The following SFXN1 variants were observed in gnomAD, a reference collection of about 807,000 sequenced individuals.
SFXN1 encodes the protein sideroflexin 1.
SFXN1 carries 32 observed loss-of-function variants against 39.5 expected under a neutral mutation model. The observed-to-expected ratio is 0.81, with a 90% CI of 0.61 to 1.09. SFXN1 has a LOEUF of 1.09. SFXN1 is among the 50% of genes least tolerant of loss of function. The pLI, the probability that SFXN1 is intolerant of heterozygous loss-of-function variation, is 0.00. For synonymous variants in SFXN1, 136 were observed against 146.5 expected, an observed-to-expected ratio of 0.93 and a Z score of 0.52; for missense variants, 402 against 407.1, an observed-to-expected ratio of 0.99 and a Z score of 0.11.
chr5:175,509,048 C>A lies in SFXN1; in HGVS notation c.181C>A (p.Pro61Thr). 1 of 1,608,652 alleles carries A rather than the reference C, an allele frequency of 6.2e-7. No individual in the cohort carries two copies. The highest frequency in any genetic ancestry group is 1.7e-4 in the Middle Eastern group (1 of 6,030). ...VHDYRQGIVP[P>T]GLTENELWRA... ...TTTTCTTAGGCAAGGAATTGTTCCT[C>A]CTGGTCTTACAGAAAATGAATTGTG... The change falls in exon 3 of 11, where the codon CCT (proline) becomes ACT (threonine). Residue 61 changes from proline (P) to threonine (T), a missense_variant. Transcript: ENST00000321442.
intron 2 of SFXN1, among the ~76,000 whole-genome samples, chr5:175,497,923 T>G (rs1581279765): frequency 8.4e-6 from 1 of 119,596 alleles, no homozygotes; most frequent in Non-Finnish European, 1.7e-5. Flanking sequence ...AGAGCAAAAC[T>G]CCGTCTCAAA....
intron 4 of SFXN1, among the ~76,000 whole-genome samples, chr5:175,511,167 GTC>G (rs1288259570): frequency 1.3e-5 from 2 of 152,126 alleles, no homozygotes; most frequent in Non-Finnish European, 2.9e-5. Context: ...CGAATACAAA[GTC>G]TGTATGTTTA....
chr5:175,482,256 CTT>C (rs1302778344), intron 1 of SFXN1, among the ~76,000 whole-genome samples: 1 of 152,194 alleles, frequency 6.6e-6, no homozygotes, highest in East Asian at 1.9e-4. Context: ...TTTCATAACT[CTT>C]TCAAAATACG....
At position 175,488,226 on chromosome 5, in the gene SFXN1, C is replaced by G. The variant is rs947029771; in HGVS notation, c.-9-3869C>G. Among the ~76,000 whole-genome samples, 5 of 152,170 alleles carry G rather than the reference C, an allele frequency of 3.3e-5. 1 individual carries two copies. The highest frequency in any genetic ancestry group is 3.3e-4 in the Admixed American group (5 of 15,276). ...CCTGAGCCATTACATCTCTTACCTC[C>G]TCATCTCCCATCTCCCACTTCCTCA... On this transcript the variant is annotated intron_variant, in intron 1 of 10. Coordinates refer to ENST00000321442, the MANE Select transcript of SFXN1 (RefSeq NM_022754.7).
intron 2 of SFXN1, among the ~76,000 whole-genome samples, chr5:175,499,803 A>G (rs1040644165): frequency 6.6e-6 from 1 of 152,240 alleles, no homozygotes. Context: ...CAATAAGAGA[A>G]AATTTAAACT....
chr5:175,500,926 A>C (rs1038934254), intron 2 of SFXN1, among the ~76,000 whole-genome samples: 2 of 152,226 alleles, frequency 1.3e-5, no homozygotes, highest in African/African-American at 4.8e-5. Flanking sequence ...TTGTATAAAA[A>C]ATGGATCTTG....
chr5:175,522,036 A>C, intron 9 of SFXN1, 68 bp downstream of exon 9: 2 of 1,329,336 alleles, frequency 1.5e-6, no homozygotes, highest in Non-Finnish European at 2.1e-6. Context: ...ATGAAAGGTG[A>C]CTGGGTAATA....
At chr5:175,519,616 A>G (rs563080708) in intron 8 of SFXN1, among the ~76,000 whole-genome samples, 2 of 152,354 alleles carry the variant, frequency 1.3e-5, no homozygotes, top group South Asian at 4.1e-4. Flanking sequence ...AGTGACAGAA[A>G]GATGAGAGGT....
chr5:175,497,589 T>A (rs912287247), intron 2 of SFXN1, among the ~76,000 whole-genome samples: 2 of 152,084 alleles, frequency 1.3e-5, no homozygotes, highest in African/African-American at 4.8e-5. Flanking sequence ...TCCATCAAAA[T>A]ATACAAAGAA....
chr5:175,505,827 C>G (rs1453872832), intron 2 of SFXN1, among the ~76,000 whole-genome samples: 2 of 152,154 alleles, frequency 1.3e-5, no homozygotes, highest in East Asian at 3.9e-4. Context: ...ATTTTCTTTT[C>G]TTTTCTTTTG....
chr5:175,516,774 C>T, intron 8 of SFXN1, 111 bp downstream of exon 8: 1 of 1,030,002 alleles, frequency 9.7e-7, no homozygotes, highest in Non-Finnish European at 1.4e-6. Context: ...GGCCAGTTTC[C>T]TGGGCTCTTA....
chr5:175,490,448 A>G (rs1759614489), intron 1 of SFXN1, among the ~76,000 whole-genome samples: 1 of 152,176 alleles, frequency 6.6e-6, no homozygotes, highest in East Asian at 1.9e-4. Flanking sequence ...GTGGTCCATG[A>G]TATGTGTTCA....
chr5:175,486,676 G>A (rs1191674558), intron 1 of SFXN1, among the ~76,000 whole-genome samples: 1 of 152,144 alleles, frequency 6.6e-6, no homozygotes, highest in Non-Finnish European at 1.5e-5. Flanking sequence ...TGCTCGGGAG[G>A]CTGAGGTGGG....
intron 8 of SFXN1, among the ~76,000 whole-genome samples, chr5:175,520,945 C>T (rs157473): frequency 0.21 from 32,583 of 151,934 alleles, 4,026 homozygotes; most frequent in South Asian, 0.42. Context: ...CCTTCCTCTC[C>T]AATCCATCCC....
In SFXN1 at chr5:175,504,743, G is replaced by A. The variant is rs190811633; in HGVS notation, c.165-4289G>A. Among the ~76,000 whole-genome samples the A allele has an allele frequency of 2.5e-3, 382 of 151,854 alleles. 4 individuals are homozygous for A. The highest frequency in any genetic ancestry group is 2.6e-3 in the Non-Finnish European group (177 of 67,918). Reference sequence around the variant, plus strand: ...CATAAGAACAATTTTTTTTGGGCGGGGAGGGTGCGGAGTCTTGCTCTGTCG... The same window carrying A: ...CATAAGAACAATTTTTTTTGGGCGGAGAGGGTGCGGAGTCTTGCTCTGTCG... On this transcript the variant is annotated intron_variant, in intron 2 of 10. Transcript: ENST00000321442.
At chr5:175,518,789 A>G (rs1414787321) in intron 8 of SFXN1, among the ~76,000 whole-genome samples, 5 of 152,250 alleles carry the variant, frequency 3.3e-5, no homozygotes, top group African/African-American at 1.2e-4. Flanking sequence ...GTAAAAGTCT[A>G]CAACTGTAAA....
chr5:175,495,728 C>CAA (rs70988287), intron 2 of SFXN1, among the ~76,000 whole-genome samples: 65 of 139,556 alleles, frequency 4.7e-4, no homozygotes, highest in South Asian at 1.2e-3. Flanking sequence ...GACTTCGTCT[C>CAA]AAAAAAAAAA....
intron 10 of SFXN1, among the ~76,000 whole-genome samples, chr5:175,525,526 A>T: frequency 6.6e-6 from 1 of 152,270 alleles, no homozygotes; most frequent in East Asian, 1.9e-4. Flanking sequence ...AATTTTTAAA[A>T]TTTGTTTTGC....
chr5:175,516,677 C>G lies in SFXN1; in HGVS notation c.774+14C>G. The G allele has an allele frequency of 6.2e-7, 1 of 1,610,376 alleles. No individual in the cohort carries two copies. The highest frequency in any genetic ancestry group is 1.1e-5 in the South Asian group (1 of 90,502). On this transcript the variant is annotated intron_variant, in intron 8 of 10. Transcript: ENST00000321442. ...GCCTTTTTGAAGGTAAGCTGTGGTTCTTTTGTCATTTTCTCAACCCTTTTT... is the reference window on the plus strand; with the variant it reads ...GCCTTTTTGAAGGTAAGCTGTGGTTGTTTTGTCATTTTCTCAACCCTTTTT...
Sources: gnomAD v4.1 joint callset for allele counts (sites outside exome capture counted in the v4.1 genomes callset) on GRCh38, gnomAD v4.1.1 for gene constraint, MANE v1.5 for transcripts, NCBI Gene and HGNC (gene_info 2026-07-23, HGNC 2026-07-21) for gene names.